The following SNX4 variants were observed in gnomAD, a reference collection of about 807,000 sequenced individuals.
SNX4 encodes the protein sorting nexin 4, also known as sorting nexin-4.
SNX4 carries 49 observed loss-of-function variants against 70.8 expected under a neutral mutation model. The ratio of observed to expected loss-of-function variants is 0.69; its 90% confidence interval spans 0.55 to 0.88. The LOEUF (loss-of-function observed/expected upper bound fraction) is 0.88, where lower values mean the gene tolerates loss of function less well. SNX4 is among the 40% of genes least tolerant of loss of function. The pLI, the probability that SNX4 is intolerant of heterozygous loss-of-function variation, is 0.00. For missense variants in SNX4, 528 were observed against 544.8 expected (o/e 0.97, Z 0.31); for synonymous variants, 206 against 183.8 (o/e 1.12, Z -0.98).
chr3:125,488,453 C>T (rs762017875), intron 6 of SNX4, among the ~76,000 whole-genome samples: 9 of 151,902 alleles, frequency 5.9e-5, no homozygotes, highest in South Asian at 4.2e-4. Flanking sequence ...CCAGCCTGGG[C>T]GACAGAGCAA....
chr3:125,465,496 G>A (rs1211791790), intron 9 of SNX4, among the ~76,000 whole-genome samples: 3 of 151,960 alleles, frequency 2.0e-5, no homozygotes, highest in Admixed American at 6.6e-5. Flanking sequence ...TGATTCACCC[G>A]CCTCAGCCTC....
chr3:125,495,345 T>C (rs1467713142), intron 5 of SNX4, among the ~76,000 whole-genome samples: 2 of 147,540 alleles, frequency 1.4e-5, no homozygotes, highest in African/African-American at 4.9e-5. Flanking sequence ...TGTACACATG[T>C]ATATGAGGCT....
rs752484079 is a variant in SNX4, at chr3:125,447,868, G to GA, written c.1306-43dup. On this transcript the variant is annotated intron_variant, in intron 13 of 13. Coordinates refer to ENST00000251775, the MANE Select transcript of SNX4 (RefSeq NM_003794.4). ...AAACTTTAAAATGTGAGTTTGGAAG[G>GA]AATCTGAAAACCCAAGTACTTGGCT... 7.9e-6 allele frequency: 11 copies of GA among 1,390,674 alleles called. No homozygotes were observed. In the South Asian group the frequency reaches 1.4e-4, roughly 18 times the overall value. 86.1% of individuals were successfully genotyped at this position (1,390,674 alleles called of 1,614,324 possible). A position where few individuals can be genotyped will look rare whatever the true frequency, so the allele number is the denominator to read the frequency against.
chr3:125,519,296 T>C (rs1395315424), intron 1 of SNX4, among the ~76,000 whole-genome samples: 1 of 152,152 alleles, frequency 6.6e-6, no homozygotes, highest in Non-Finnish European at 1.5e-5. Flanking sequence ...TATAAGATGA[T>C]ACATTTTTCC....
At position 125,480,326 on chromosome 3, in the gene SNX4, C is replaced by A; in HGVS notation, c.654-7G>T. 2 of 1,492,602 alleles carry A rather than the reference C, an allele frequency of 1.3e-6. No homozygotes were observed. Among genetic ancestry groups the A allele is most frequent in the Non-Finnish European group, 9.0e-7 (1 of 1,112,598 alleles). The allele number at this position is 1,492,602 out of a possible 1,614,324, so 92.5% of individuals were successfully genotyped here. A position where few individuals can be genotyped will look rare whatever the true frequency, so the allele number is the denominator to read the frequency against. ...CTTAAGGTCAGTAAATCTCCTGAAA[C>A]AGGAAACAAATAAAACATCGTTTTT... On this transcript the variant is annotated splice_polypyrimidine_tract_variant and splice_region_variant and intron_variant, in intron 6 of 13. Transcript: ENST00000251775.
chr3:125,503,937 G>A (rs567561954), intron 2 of SNX4, among the ~76,000 whole-genome samples: 46 of 152,162 alleles, frequency 3.0e-4, no homozygotes, highest in African/African-American at 1.0e-3. Context: ...TGGCTCACAC[G>A]AGTAATCCCA....
chr3:125,479,099 T>C lies in SNX4; in HGVS notation c.726+1148A>G, dbSNP rs1934348547. Among the ~76,000 whole-genome samples the C allele has an allele frequency of 2.0e-5, 3 of 152,130 alleles. No homozygotes were observed. In the South Asian group the frequency reaches 6.2e-4, roughly 32 times the overall value. Reference sequence around the variant, plus strand: ...GTACTGTCATGGAAATCTTGAAACATACAAAAAGCATATAGAACAGAAGGA... The same window carrying C: ...GTACTGTCATGGAAATCTTGAAACACACAAAAAGCATATAGAACAGAAGGA... On this transcript the variant is annotated intron_variant, in intron 7 of 13. Transcript: ENST00000251775.
chr3:125,498,024 G>A (rs1442938469), intron 3 of SNX4, 35 bp downstream of exon 3: 1 of 1,613,970 alleles, frequency 6.2e-7, no homozygotes, highest in South Asian at 1.1e-5. Context: ...TCTCAATGCT[G>A]AATACTTCTA....
At chr3:125,503,636 A>G (rs999427004) in intron 2 of SNX4, among the ~76,000 whole-genome samples, 1 of 151,900 alleles carries the variant, frequency 6.6e-6, no homozygotes, top group Non-Finnish European at 1.5e-5. Flanking sequence ...CTTATTCTCT[A>G]CTCCTAGAAT....
intron 5 of SNX4, 133 bp from the exon 6 acceptor site, chr3:125,489,596 CA>C (rs1934606115): frequency 1.5e-6 from 1 of 683,004 alleles, no homozygotes; most frequent in Admixed American, 2.9e-5. Context: ...ACACATTAAA[CA>C]TGCCTAAAAA....
intron 5 of SNX4, among the ~76,000 whole-genome samples, chr3:125,494,181 A>C (rs2107556626): frequency 6.6e-6 from 1 of 152,324 alleles, no homozygotes; most frequent in South Asian, 2.1e-4. Context: ...ATAAGATATG[A>C]CTATTTGGTC....
intron 5 of SNX4, among the ~76,000 whole-genome samples, chr3:125,493,277 C>G (rs1194135918): frequency 2.6e-5 from 4 of 152,014 alleles, no homozygotes; most frequent in Non-Finnish European, 5.9e-5. Flanking sequence ...TTCCACCCCC[C>G]TAAAAAGGAG....
chr3:125,504,102 G>A (rs558356833), intron 2 of SNX4, among the ~76,000 whole-genome samples: 46 of 152,096 alleles, frequency 3.0e-4, no homozygotes, highest in African/African-American at 8.7e-4. Context: ...AGGCCGAGGC[G>A]GGTGGATCGT....
intron 9 of SNX4, among the ~76,000 whole-genome samples, chr3:125,466,401 G>A (rs1934021063): frequency 6.7e-6 from 1 of 148,996 alleles, no homozygotes; most frequent in East Asian, 1.9e-4. Context: ...CTATGGCAAA[G>A]ATTTCATGAT....
intron 6 of SNX4, among the ~76,000 whole-genome samples, chr3:125,480,896 C>T (rs974106456): frequency 1.3e-5 from 2 of 152,190 alleles, no homozygotes; most frequent in Non-Finnish European, 2.9e-5. Flanking sequence ...GGATTTCTTC[C>T]CATCTAACGC....
chr3:125,481,470 CAG>C (rs1226340675), intron 6 of SNX4, among the ~76,000 whole-genome samples: 3 of 138,136 alleles, frequency 2.2e-5, no homozygotes, highest in African/African-American at 5.4e-5. Flanking sequence ...TTTTTTGAGA[CAG>C]AGTTTCACTC....
intron 8 of SNX4, among the ~76,000 whole-genome samples, chr3:125,474,204 T>C (rs1056509331): frequency 1.3e-5 from 2 of 152,180 alleles, no homozygotes; most frequent in Non-Finnish European, 2.9e-5. Flanking sequence ...ATCATTTAGG[T>C]CTCTTTATTC....
At chr3:125,489,305 A>T (rs1175316952) in intron 6 of SNX4, 103 bp downstream of exon 6, 7 of 851,486 alleles carry the variant, frequency 8.2e-6, no homozygotes, top group Non-Finnish European at 1.3e-5. Context: ...GAATATGTAA[A>T]CTATTTAGCA....
At chr3:125,466,429 T>A (rs1313423252) in intron 9 of SNX4, among the ~76,000 whole-genome samples, 1 of 150,744 alleles carries the variant, frequency 6.6e-6, no homozygotes, top group Non-Finnish European at 1.5e-5. Flanking sequence ...CCAAAAGCAA[T>A]TGCAACAAAA....
Sources: gnomAD v4.1 joint callset for allele counts (sites outside exome capture counted in the v4.1 genomes callset) on GRCh38, gnomAD v4.1.1 for gene constraint, MANE v1.5 for transcripts, NCBI Gene and HGNC (gene_info 2026-07-23, HGNC 2026-07-21) for gene names.